The following NAALADL2 variants were observed in gnomAD, a reference collection of about 807,000 sequenced individuals.
The protein encoded by NAALADL2 is N-acetylated alpha-linked acidic dipeptidase like 2.
In NAALADL2, 76 loss-of-function variants were observed where a neutral mutation model predicts 87.2. That is an observed-to-expected ratio of 0.87 (90% CI 0.72 to 1.05). The LOEUF is 1.05. Among genes scored for constraint, NAALADL2 ranks in the 50% least tolerant of loss-of-function variants. NAALADL2 has a pLI of 0.00. For missense variants in NAALADL2, 1,089 were observed against 945.8 expected (o/e 1.15, Z -1.99); for synonymous variants, 354 against 331.0 (o/e 1.07, Z -0.75).
At chr3:174,459,011 A>G (rs549230486) in intron 1 of NAALADL2, among the ~76,000 whole-genome samples, 1 of 152,222 alleles carries the variant, frequency 6.6e-6, no homozygotes, top group Admixed American at 6.5e-5. Context: ...GTTGGAGAAA[A>G]GGGATGATCC....
At chr3:175,240,565 ACTGTAGTACTT>A (rs974478827) in intron 3 of NAALADL2, among the ~76,000 whole-genome samples, 1 of 152,214 alleles carries the variant, frequency 6.6e-6, no homozygotes, top group African/African-American at 2.4e-5. Context: ...GTGGAATGGA[ACTGTAGTACTT>A]AAACTTTTGT....
chr3:174,953,269 G>A (rs201615102), intron 1 of NAALADL2, among the ~76,000 whole-genome samples: 232 of 137,272 alleles, frequency 1.7e-3, no homozygotes, highest in African/African-American at 6.2e-3. Context: ...GCAAAAACCA[G>A]GTTACTTAGG....
intron 5 of NAALADL2, among the ~76,000 whole-genome samples, chr3:175,386,682 G>A (rs753778525): frequency 1.3e-5 from 2 of 152,040 alleles, no homozygotes; most frequent in Non-Finnish European, 2.9e-5. Context: ...ATTTCAAATT[G>A]CCCACCATTC....
chr3:174,779,367 G>T (rs1715640664), intron 3 of NAALADL2, among the ~76,000 whole-genome samples: 1 of 152,086 alleles, frequency 6.6e-6, no homozygotes, highest in African/African-American at 2.4e-5. Flanking sequence ...GTAGATTCTG[G>T]ACATAAGCCC....
At chr3:174,673,257 C>A (rs1464566676) in intron 2 of NAALADL2, among the ~76,000 whole-genome samples, 1 of 151,714 alleles carries the variant, frequency 6.6e-6, no homozygotes, top group East Asian at 1.9e-4. Flanking sequence ...GATAGCATTT[C>A]TTTTTTTCAA....
chr3:175,338,504 A>G (rs947795771), intron 5 of NAALADL2, among the ~76,000 whole-genome samples: 49 of 151,462 alleles, frequency 3.2e-4, no homozygotes, highest in African/African-American at 9.5e-4. Flanking sequence ...AAATTATTAA[A>G]CATTTATCAG....
At chr3:175,222,719 A>G (rs1213596059) in intron 2 of NAALADL2, among the ~76,000 whole-genome samples, 5 of 152,196 alleles carry the variant, frequency 3.3e-5, no homozygotes, top group African/African-American at 7.2e-5. Flanking sequence ...ATATATGTCC[A>G]TATTTAATTT....
intron 5 of NAALADL2, among the ~76,000 whole-genome samples, chr3:175,407,489 G>A (rs945523676): frequency 5.9e-5 from 9 of 152,126 alleles, no homozygotes; most frequent in African/African-American, 2.2e-4. Context: ...AAACCTCAAT[G>A]TGTATTACCT....
intron 2 of NAALADL2, chr3:174,632,188 G>A (rs1722178951): frequency 6.6e-6 from 1 of 152,146 alleles, no homozygotes; most frequent in African/African-American, 2.4e-5. Context: ...TGACTTTTCA[G>A]ACTTAGTTTC....
chr3:174,962,580 A>G (rs2108567086), intron 1 of NAALADL2, among the ~76,000 whole-genome samples: 1 of 151,900 alleles, frequency 6.6e-6, no homozygotes. Flanking sequence ...CAAAAGTTAA[A>G]GAAAGGTGAA....
intron 3 of NAALADL2, among the ~76,000 whole-genome samples, chr3:175,238,173 C>T (rs1321698238): frequency 6.6e-6 from 1 of 152,050 alleles, no homozygotes; most frequent in Admixed American, 6.5e-5. Context: ...TAAAATCAAC[C>T]TCTACTGCAG....
rs569764712 is a variant in NAALADL2, at chr3:174,752,578, G to A, written c.-9+14832G>A. Among the ~76,000 whole-genome samples, 109 of 151,078 alleles carry A rather than the reference G, an allele frequency of 7.2e-4. 1 individual carries two copies. The highest frequency in any genetic ancestry group is 1.4e-3 in the Non-Finnish European group (94 of 67,720). Reference sequence around the variant, plus strand: ...TTCTATTTTATTTTAAAAAAAATAGGCCAGTGATTTTTTTTTTATTTCACA... The same window carrying A: ...TTCTATTTTATTTTAAAAAAAATAGACCAGTGATTTTTTTTTTATTTCACA... On this transcript the variant is annotated intron_variant, in intron 3 of 3. Transcript: ENST00000434257.
intron 2 of NAALADL2, among the ~76,000 whole-genome samples, chr3:174,674,100 G>T (rs190366309): frequency 1.3e-3 from 193 of 152,058 alleles, no homozygotes; most frequent in African/African-American, 4.3e-3. Flanking sequence ...GGAGGTCTCA[G>T]GGAGCTTTAA....
At chr3:175,313,555 C>T (rs1275871304) in intron 4 of NAALADL2, among the ~76,000 whole-genome samples, 1 of 152,116 alleles carries the variant, frequency 6.6e-6, no homozygotes, top group Non-Finnish European at 1.5e-5. Context: ...ATCGGGATTA[C>T]ATTTTACTGG....
At chr3:175,724,118 G>A (rs1298623794) in intron 11 of NAALADL2, among the ~76,000 whole-genome samples, 1 of 152,024 alleles carries the variant, frequency 6.6e-6, no homozygotes, top group Non-Finnish European at 1.5e-5. Context: ...GGCTTTATAA[G>A]CATCTCATCA....
intron 1 of NAALADL2, among the ~76,000 whole-genome samples, chr3:175,028,619 A>C (rs976557343): frequency 6.6e-6 from 1 of 152,030 alleles, no homozygotes; most frequent in Non-Finnish European, 1.5e-5. Flanking sequence ...AGATCTAAAA[A>C]ATTTTATACA....
chr3:174,597,552 T>A (rs902511934), intron 2 of NAALADL2, among the ~76,000 whole-genome samples: 3 of 152,192 alleles, frequency 2.0e-5, no homozygotes, highest in African/African-American at 7.2e-5. Context: ...TTTCTGTACC[T>A]TCTAGTGAGC....
intron 3 of NAALADL2, among the ~76,000 whole-genome samples, chr3:174,753,176 C>G (rs556258638): frequency 9.9e-5 from 15 of 152,060 alleles, no homozygotes. Flanking sequence ...TCATCTCAAG[C>G]GATTCTCCTG....
In NAALADL2 at chr3:175,441,502, A is replaced by C. The variant is rs528201228; in HGVS notation, c.1091-5727A>C. 1.4e-4 allele frequency among the ~76,000 whole-genome samples: 22 copies of C among 152,256 alleles called. 1 individual carries two copies. The South Asian group carries it at 4.6e-3, about 32-fold the overall frequency. On this transcript the variant is annotated intron_variant, in intron 5 of 13. Transcript: ENST00000454872. Reference sequence around the variant, plus strand: ...TGCTGATCTAATGTGCATACAAATCACCTGGGGATCTTGATAGACTATAGA... The same window carrying C: ...TGCTGATCTAATGTGCATACAAATCCCCTGGGGATCTTGATAGACTATAGA...
Sources: allele counts gnomAD v4.1 joint callset (sites outside exome capture counted in the v4.1 genomes callset), GRCh38; gene constraint gnomAD v4.1.1; transcripts MANE v1.5; gene names NCBI Gene and HGNC (gene_info 2026-07-23, HGNC 2026-07-21).